The following AP2S1 variants were observed in gnomAD, a reference collection of about 807,000 sequenced individuals.
AP2S1 encodes AP-2 complex subunit sigma.
Under a neutral mutation model 21.0 loss-of-function variants are expected in AP2S1, and 6 were observed. That is an observed-to-expected ratio of 0.29 (90% CI 0.16 to 0.56). The LOEUF (loss-of-function observed/expected upper bound fraction) is 0.56. Among genes scored for constraint, AP2S1 ranks in the 20% least tolerant of loss-of-function variants. AP2S1 has a pLI of 0.92. For synonymous variants in AP2S1, 63 were observed against 74.6 expected, an observed-to-expected ratio of 0.84 and a Z score of 0.80; for missense variants, 60 against 186.2, an observed-to-expected ratio of 0.32 and a Z score of 3.95.
intron 1 of AP2S1, among the ~76,000 whole-genome samples, chr19:46,848,991 GC>G (rs1187571846): frequency 7.0e-6 from 1 of 142,402 alleles, no homozygotes; most frequent in Admixed American, 7.1e-5. Context: ...GGTTACAGGC[GC>G]GAGTCACTGT....
intron 2 of AP2S1, among the ~76,000 whole-genome samples, chr19:46,845,418 T>G (rs896434347): frequency 4.1e-5 from 1 of 24,104 alleles, no homozygotes; most frequent in Non-Finnish European, 9.4e-5. Context: ...AAAAAGTAAT[T>G]AATTAATTAA....
chr19:46,846,234 G>C, intron 1 of AP2S1, 92 bp from the exon 2 acceptor site: 1 of 1,511,124 alleles, frequency 6.6e-7, no homozygotes, highest in Non-Finnish European at 9.0e-7. Flanking sequence ...ACCCAGAGGG[G>C]AGATAGGGCT....
In AP2S1 at chr19:46,844,126, G is replaced by A. The variant is rs1228592966; in HGVS notation, c.153+1867C>T. ...AGATTTCATCATGTTGGTCAGGCTG[G>A]TCTCCTGACCTTGTGATCCACCCAC... On this transcript the variant is annotated intron_variant, in intron 2 of 4. Coordinates refer to ENST00000263270, the MANE Select transcript of AP2S1 (RefSeq NM_004069.6). Among the ~76,000 whole-genome samples, 2 of 151,880 alleles carry A rather than the reference G, an allele frequency of 1.3e-5. 1 individual carries two copies. Among genetic ancestry groups the A allele is most frequent in the African/African-American group, 4.8e-5 (2 of 41,356 alleles).
intron 2 of AP2S1, among the ~76,000 whole-genome samples, chr19:46,845,003 G>A (rs566253419): frequency 1.3e-5 from 2 of 151,358 alleles, no homozygotes; most frequent in African/African-American, 2.4e-5. Context: ...TAGGGAGGCT[G>A]AGGCAGAGAA....
At chr19:46,850,197 C>T in intron 1 of AP2S1, 2 of 1,232,520 alleles carry the variant, frequency 1.6e-6, no homozygotes, top group Non-Finnish European at 2.0e-6. Flanking sequence ...CCTACAGTTG[C>T]CTCCTTTTGG....
chr19:46,850,367 G>C (rs376961057), intron 1 of AP2S1: 64 of 1,240,116 alleles, frequency 5.2e-5, no homozygotes, highest in Non-Finnish European at 5.4e-5. Context: ...TCGCGTTCTC[G>C]TCCCAGCGCT....
chr19:46,838,885 GAC>G lies in AP2S1; in HGVS notation c.268-88_268-87del. The G allele has an allele frequency of 7.5e-7, 1 of 1,327,182 alleles. No homozygotes were observed. Among genetic ancestry groups the G allele is most frequent in the Non-Finnish European group, 1.1e-6 (1 of 934,342 alleles). The allele number at this position is 1,327,182 out of a possible 1,614,324, so 82.2% of individuals were successfully genotyped here. A position where few individuals can be genotyped will look rare whatever the true frequency, so the allele number is the denominator to read the frequency against. On this transcript the variant is annotated intron_variant, in intron 3 of 4. Coordinates refer to ENST00000263270, the MANE Select transcript of AP2S1 (RefSeq NM_004069.6). This position sits in a 1 kb window ranked among gnomAD's most constrained non-coding sequence, Gnocchi z 4.1. ...GATGGGAACAAGGTCATCAGAAAGA[GAC>G]AGCAAAAAAAGAGACCAAGGGGGAG...
At chr19:46,850,198 C>G (rs1429957936) in intron 1 of AP2S1, 2 of 1,232,464 alleles carry the variant, frequency 1.6e-6, no homozygotes, top group Non-Finnish European at 2.0e-6. Flanking sequence ...CTACAGTTGC[C>G]TCCTTTTGGT....
At chr19:46,840,444 C>T (rs1417125441) in intron 2 of AP2S1, among the ~76,000 whole-genome samples, 1 of 151,410 alleles carries the variant, frequency 6.6e-6, no homozygotes, top group Non-Finnish European at 1.5e-5. Context: ...AGTTTCAGGC[C>T]AGCTTGGGCA....
intron 2 of AP2S1, among the ~76,000 whole-genome samples, chr19:46,845,070 G>A (rs2055602861): frequency 2.9e-5 from 4 of 137,210 alleles, no homozygotes; most frequent in Non-Finnish European, 6.1e-5. Flanking sequence ...TTGCACTCCA[G>A]CCTGGGTGAC....
chr19:46,844,112 T>C (rs140706882), intron 2 of AP2S1, among the ~76,000 whole-genome samples: 28 of 152,130 alleles, frequency 1.8e-4, no homozygotes, highest in African/African-American at 6.3e-4. Flanking sequence ...GATTTCATCA[T>C]GTTGGTCAGG....
intron 1 of AP2S1, among the ~76,000 whole-genome samples, chr19:46,849,621 T>C (rs540787200): frequency 1.3e-5 from 2 of 152,244 alleles, no homozygotes; most frequent in East Asian, 3.9e-4. Context: ...TTTCTTCCCA[T>C]TTGGAATCTC....
At position 46,838,735 on chromosome 19, in the gene AP2S1, C is replaced by T. The variant is rs2055457680; in HGVS notation, c.327+5G>A. ...CCTTCAGCCTCCTCTTCACCAGGAGCCTACCTTGTAGAAGTTGAACACCAG... is the reference window on the plus strand; with the variant it reads ...CCTTCAGCCTCCTCTTCACCAGGAGTCTACCTTGTAGAAGTTGAACACCAG... On this transcript the variant is annotated splice_donor_5th_base_variant and intron_variant, in intron 4 of 4. Coordinates refer to ENST00000263270, the MANE Select transcript of AP2S1 (RefSeq NM_004069.6). The surrounding 1 kb of genome is among the most constrained non-coding windows in gnomAD (Gnocchi z 4.1). 10 of 1,612,628 alleles carry T rather than the reference C, an allele frequency of 6.2e-6. No individual in the cohort carries two copies. Among genetic ancestry groups the T allele is most frequent in the African/African-American group, 1.3e-5 (1 of 74,864 alleles).
At position 46,850,827 on chromosome 19, in the gene AP2S1, A is replaced by C; in HGVS notation, c.-61T>G. The C allele has an allele frequency of 1.3e-6, 2 of 1,509,610 alleles. No homozygotes were observed. The highest frequency in any genetic ancestry group is 4.1e-5 in the Admixed American group (2 of 48,352). 93.5% of individuals were successfully genotyped at this position (1,509,610 alleles called of 1,614,324 possible). ...CGCGGCGACTGGGCAGCTCCGGCTC[A>C]GGGTGCAGTTGTAGGGCCCAGAGCT... On this transcript the variant is annotated 5_prime_UTR_variant, in exon 1 of 5. Coordinates refer to ENST00000263270, the MANE Select transcript of AP2S1 (RefSeq NM_004069.6).
At chr19:46,842,865 C>T (rs981095675) in intron 2 of AP2S1, among the ~76,000 whole-genome samples, 17 of 152,122 alleles carry the variant, frequency 1.1e-4, no homozygotes, top group Admixed American at 7.2e-4. Flanking sequence ...GCAGACGTGG[C>T]CCTCTGGTGC....
At chr19:46,849,407 C>A (rs1035539126) in intron 1 of AP2S1, among the ~76,000 whole-genome samples, 8 of 149,726 alleles carry the variant, frequency 5.3e-5, no homozygotes, top group Non-Finnish European at 8.9e-5. Context: ...TCCAAGAACT[C>A]CTGCTGAGCC....
Position 46,838,842 on chromosome 19 carries a change from G to C in AP2S1, c.268-43C>G, listed in dbSNP as rs1188357718. The C allele has an allele frequency of 2.5e-6, 4 of 1,575,584 alleles. No homozygotes were observed. Among genetic ancestry groups the C allele is most frequent in the East Asian group, 4.5e-5 (2 of 44,682 alleles). On this transcript the variant is annotated intron_variant, in intron 3 of 4. Transcript: ENST00000263270. The surrounding 1 kb of genome is among the most constrained non-coding windows in gnomAD (Gnocchi z 4.1). ...AGATGGTAAGAGATGGGCAGGGAGA[G>C]AGCCACACACGCACAGAGATGGGAA...
At chr19:46,839,039 C>T (rs993918014) in intron 3 of AP2S1, among the ~76,000 whole-genome samples, 4 of 151,944 alleles carry the variant, frequency 2.6e-5, no homozygotes, top group Non-Finnish European at 5.9e-5. Context: ...GTAATCCCAG[C>T]ACTTTGGGAG....
chr19:46,844,755 GTGCCAC>G, intron 2 of AP2S1, among the ~76,000 whole-genome samples: 1 of 152,130 alleles, frequency 6.6e-6, no homozygotes, highest in Admixed American at 6.6e-5. Flanking sequence ...AGCCATGTTC[GTGCCAC>G]TGCACTCCCG....
Sources: gnomAD v4.1 joint callset for allele counts (sites outside exome capture counted in the v4.1 genomes callset) on GRCh38, gnomAD v4.1.1 for gene constraint, Gnocchi (gnomAD v3.1) non-coding constraint, MANE v1.5 for transcripts, NCBI Gene and HGNC (gene_info 2026-07-23, HGNC 2026-07-21) for gene names.